CNTLN: variants seen among roughly 807,000 people sequenced by gnomAD.
CNTLN encodes the protein centlein, also known as centlein, centrosomal protein.
A neutral mutation model predicts 180.0 loss-of-function variants in CNTLN; 212 were observed. That is an observed-to-expected ratio of 1.18 (90% CI 1.05 to 1.32). The LOEUF (loss-of-function observed/expected upper bound fraction) is 1.32. CNTLN is among the 40% of genes most tolerant of loss of function. The pLI, the probability that CNTLN is intolerant of heterozygous loss-of-function variation, is 0.00. For missense variants in CNTLN, 2,095 were observed against 1,610.9 expected, an observed-to-expected ratio of 1.30 and a Z score of -5.14; for synonymous variants, 722 against 563.1, an observed-to-expected ratio of 1.28 and a Z score of -3.99.
At chr9:17,528,495 C>T in the CNTLN span, among the ~76,000 whole-genome samples, 1 of 152,222 alleles carries the variant, frequency 6.6e-6, no homozygotes, top group Non-Finnish European at 1.5e-5. Context: ...GTCTGAGAAA[C>T]TGTCCCACCC....
At chr9:17,199,423 G>C (rs1028822972) in intron 2 of CNTLN, among the ~76,000 whole-genome samples, 3 of 151,976 alleles carry the variant, frequency 2.0e-5, no homozygotes, top group Admixed American at 6.6e-5. Flanking sequence ...GTGTTAGCCA[G>C]GATGGTCTCA....
chr9:17,458,507 G>T (rs909303332), intron 19 of CNTLN, among the ~76,000 whole-genome samples: 1 of 151,866 alleles, frequency 6.6e-6, no homozygotes, highest in Non-Finnish European at 1.5e-5. Context: ...AATGCACAGA[G>T]TACATTAGAA....
At chr9:17,435,297 A>G (rs1243729664) in intron 18 of CNTLN, among the ~76,000 whole-genome samples, 2 of 152,178 alleles carry the variant, frequency 1.3e-5, no homozygotes. Flanking sequence ...TCTGCTTTAT[A>G]GTTTCTACAA....
chr9:17,484,484 A>T lies in CNTLN; in HGVS notation c.4041+4A>T, dbSNP rs1233114131. On this transcript the variant is annotated splice_donor_region_variant and intron_variant, in intron 24 of 25. Coordinates refer to ENST00000380647, the MANE Select transcript of CNTLN (RefSeq NM_017738.4). ...ATTAGACACAGAAGATCAAGTGGTAAGATCATTTAAATATTTATTATTAAA... is the reference window on the plus strand; with the variant it reads ...ATTAGACACAGAAGATCAAGTGGTATGATCATTTAAATATTTATTATTAAA... The T allele has an allele frequency of 6.3e-7, 1 of 1,580,950 alleles. No individual in the cohort carries two copies. Among genetic ancestry groups the T allele is most frequent in the Non-Finnish European group, 8.6e-7 (1 of 1,169,080 alleles).
At chr9:17,480,643 C>G (rs1832594406) in intron 23 of CNTLN, among the ~76,000 whole-genome samples, 1 of 152,086 alleles carries the variant, frequency 6.6e-6, no homozygotes, top group African/African-American at 2.4e-5. Flanking sequence ...AATTCAAAAA[C>G]AGAAAAATTG....
chr9:17,172,030 G>C (rs1820453140), intron 2 of CNTLN, among the ~76,000 whole-genome samples: 1 of 152,132 alleles, frequency 6.6e-6, no homozygotes. Flanking sequence ...TCATGGATCG[G>C]CCATTGAGCT....
At chr9:17,315,924 C>A (rs1057431355) in intron 8 of CNTLN, among the ~76,000 whole-genome samples, 2 of 149,762 alleles carry the variant, frequency 1.3e-5, no homozygotes, top group African/African-American at 2.4e-5. Context: ...ATTTTTCCAA[C>A]CATACTTGTA....
At chr9:17,354,282 G>A (rs144807520) in intron 12 of CNTLN, among the ~76,000 whole-genome samples, 1,821 of 152,288 alleles carry the variant, frequency 0.012, 40 homozygotes, top group African/African-American at 0.041. Context: ...GCTCCAGGGC[G>A]CCCAGTCCCG....
intron 25 of CNTLN, among the ~76,000 whole-genome samples, chr9:17,492,801 C>T (rs117262095): frequency 2.0e-5 from 3 of 152,196 alleles, no homozygotes; most frequent in East Asian, 3.9e-4. Flanking sequence ...CTCACAACAG[C>T]GTTGTTGACA....
intron 2 of CNTLN, among the ~76,000 whole-genome samples, chr9:17,183,802 T>G (rs2131745638): frequency 6.6e-6 from 1 of 152,206 alleles, no homozygotes; most frequent in South Asian, 2.1e-4. Flanking sequence ...TATTTGAAAA[T>G]ACCTGGAGGC....
rs533143212 is a variant in CNTLN at position 17,373,334 on chromosome 9, A to C, written c.1987+6617A>C. Among the ~76,000 whole-genome samples the C allele has an allele frequency of 2.2e-4, 34 of 152,314 alleles. 1 individual carries two copies. In the South Asian group the frequency reaches 5.2e-3, roughly 23 times the overall value. On this transcript the variant is annotated intron_variant, in intron 13 of 25. Coordinates refer to ENST00000380647, the MANE Select transcript of CNTLN (RefSeq NM_017738.4). ...AGTATCATTTCTATATGCCAACAGCAAACAATCTGAAAAAGAAATCAAGAA... is the reference window on the plus strand; with the variant it reads ...AGTATCATTTCTATATGCCAACAGCCAACAATCTGAAAAAGAAATCAAGAA...
chr9:17,471,280 T>C (rs1380926403), intron 23 of CNTLN, among the ~76,000 whole-genome samples: 1 of 151,960 alleles, frequency 6.6e-6, no homozygotes, highest in Non-Finnish European at 1.5e-5. Context: ...CAATCCATAA[T>C]GATTCGATGA....
intron 2 of CNTLN, among the ~76,000 whole-genome samples, chr9:17,197,628 G>A (rs1822219502): frequency 1.3e-5 from 2 of 151,918 alleles, no homozygotes; most frequent in East Asian, 3.9e-4. Flanking sequence ...TTATACTCTG[G>A]TTATTAATCC....
intron 2 of CNTLN, among the ~76,000 whole-genome samples, chr9:17,209,144 A>G (rs1823116026): frequency 6.6e-6 from 1 of 152,122 alleles, no homozygotes; most frequent in South Asian, 2.1e-4. Flanking sequence ...TTATTATTTA[A>G]GAAAATTTTC....
At chr9:17,367,966 G>C (rs1378936679) in intron 13 of CNTLN, among the ~76,000 whole-genome samples, 1 of 152,118 alleles carries the variant, frequency 6.6e-6, no homozygotes, top group African/African-American at 2.4e-5. Flanking sequence ...GAAAAGCAGA[G>C]GGAAAAGTAA....
the CNTLN span, among the ~76,000 whole-genome samples, chr9:17,522,701 G>T: frequency 2.6e-5 from 4 of 151,734 alleles, no homozygotes; most frequent in African/African-American, 9.7e-5. Flanking sequence ...AGGCTATCTA[G>T]CTTTTTGTAT....
chr9:17,199,386 T>C (rs969860805), intron 2 of CNTLN, among the ~76,000 whole-genome samples: 3 of 152,002 alleles, frequency 2.0e-5, no homozygotes, highest in African/African-American at 7.2e-5. Context: ...TAATTTTTTG[T>C]GTTTTTAATA....
chr9:17,381,720 A>C (rs887637612), intron 13 of CNTLN, among the ~76,000 whole-genome samples: 21 of 152,194 alleles, frequency 1.4e-4, no homozygotes, highest in Non-Finnish European at 2.4e-4. Flanking sequence ...TTTCTTGCTC[A>C]TGAGTCTATC....
At chr9:17,257,137 C>T (rs185789390) in intron 5 of CNTLN, among the ~76,000 whole-genome samples, 3,554 of 151,952 alleles carry the variant, frequency 0.023, 171 homozygotes, top group African/African-American at 0.082. Context: ...TCCTCCCACC[C>T]CACAACAGTC....
Sources: gnomAD v4.1 joint callset for allele counts (sites outside exome capture counted in the v4.1 genomes callset) on GRCh38, gnomAD v4.1.1 for gene constraint, MANE v1.5 for transcripts, NCBI Gene and HGNC (gene_info 2026-07-23, HGNC 2026-07-21) for gene names.